The following DLGAP2 variants were observed in gnomAD, a reference collection of about 807,000 sequenced individuals.
DLGAP2 encodes the protein disks large-associated protein 2.
Under a neutral mutation model 100.3 loss-of-function variants are expected in DLGAP2, and 26 were observed. The ratio of observed to expected loss-of-function variants is 0.26; its 90% CI spans 0.19 to 0.36. DLGAP2 has a LOEUF of 0.36. Among genes scored for constraint, DLGAP2 ranks in the 10% least tolerant of loss-of-function variants. The pLI, the probability that DLGAP2 is intolerant of heterozygous loss-of-function variation, is 1.00. For missense variants in DLGAP2, 1,858 were observed against 1,453.2 expected, an observed-to-expected ratio of 1.28 and a Z score of -4.53; for synonymous variants, 886 against 630.1, an observed-to-expected ratio of 1.41 and a Z score of -6.08.
intron 6 of DLGAP2, among the ~76,000 whole-genome samples, chr8:1,572,274 G>C (rs1317164846): frequency 2.3e-5 from 3 of 130,210 alleles, no homozygotes; most frequent in Non-Finnish European, 3.3e-5. Flanking sequence ...GGAATAGAGA[G>C]GAGAGAGGTG....
chr8:1,691,761 G>C (rs1799267078), intron 13 of DLGAP2, 135 bp downstream of exon 13: 1 of 779,414 alleles, frequency 1.3e-6, no homozygotes. Flanking sequence ...TACTACAGAA[G>C]AGGCTTCCCG....
chr8:1,448,617 A>C (rs1798049632), intron 3 of DLGAP2, among the ~76,000 whole-genome samples: 1 of 152,200 alleles, frequency 6.6e-6, no homozygotes, highest in African/African-American at 2.4e-5. Context: ...TTGCTTATGT[A>C]CTCAAACAAA....
At chr8:1,453,920 A>G (rs968968090) in intron 3 of DLGAP2, among the ~76,000 whole-genome samples, 1 of 152,228 alleles carries the variant, frequency 6.6e-6, no homozygotes, top group Non-Finnish European at 1.5e-5. Flanking sequence ...GGGGTTTTGC[A>G]TGTCTTGGAA....
At chr8:1,263,640 C>G (rs1799394879) in intron 3 of DLGAP2, among the ~76,000 whole-genome samples, 1 of 152,112 alleles carries the variant, frequency 6.6e-6, no homozygotes, top group Admixed American at 6.5e-5. Context: ...TGTTTTTAAC[C>G]TTAATTGAAT....
At chr8:870,926 G>C (rs545280899) in intron 1 of DLGAP2, among the ~76,000 whole-genome samples, 4 of 152,250 alleles carry the variant, frequency 2.6e-5, no homozygotes, top group African/African-American at 9.6e-5. Flanking sequence ...ACCATCCTGT[G>C]GTCATTCCCC....
At position 1,507,903 on chromosome 8, in the gene DLGAP2, A is replaced by G. The variant is rs573303415; in HGVS notation, c.172+6472A>G. Among the ~76,000 whole-genome samples, 15 of 144,920 alleles carry G rather than the reference A, an allele frequency of 1.0e-4. No individual in the cohort carries two copies. In the Middle Eastern group the frequency reaches 0.01, roughly 100 times the overall value. On this transcript the variant is annotated intron_variant, in intron 4 of 14. Transcript: ENST00000637795. The stretch of plus-strand genomic sequence containing the variant: ...AGCCTTGACCTTCCTGCACTGCCCA[A>G]TGGGAGCATCGTGACCACACATTTT...
At chr8:774,618 T>C (rs1821460299) in intron 1 of DLGAP2, among the ~76,000 whole-genome samples, 1 of 150,796 alleles carries the variant, frequency 6.6e-6, no homozygotes, top group Admixed American at 6.6e-5. Context: ...CCTTTCCCCA[T>C]TGCTTGTTTT....
intron 2 of DLGAP2, among the ~76,000 whole-genome samples, chr8:1,180,432 A>G (rs149039476): frequency 1.8e-3 from 268 of 152,348 alleles, no homozygotes; most frequent in African/African-American, 5.9e-3. Context: ...CTTGAGCTCA[A>G]GCAGTCCTCT....
chr8:971,202 A>G (rs1800005872), intron 2 of DLGAP2, among the ~76,000 whole-genome samples: 1 of 152,234 alleles, frequency 6.6e-6, no homozygotes, highest in South Asian at 2.1e-4. Context: ...TTCATATCAA[A>G]TACCTGTATG....
At chr8:1,392,328 G>T (rs553956556) in intron 3 of DLGAP2, among the ~76,000 whole-genome samples, 5 of 152,218 alleles carry the variant, frequency 3.3e-5, no homozygotes, top group East Asian at 1.9e-4. Flanking sequence ...CAGGGTCGAG[G>T]TGCAGGGTTA....
At chr8:768,041 G>T (rs914611337) in intron 1 of DLGAP2, among the ~76,000 whole-genome samples, 1 of 152,226 alleles carries the variant, frequency 6.6e-6, no homozygotes, top group Non-Finnish European at 1.5e-5. Context: ...AGGAAGATGT[G>T]CATTCTCTTT....
intron 6 of DLGAP2, among the ~76,000 whole-genome samples, chr8:1,584,484 C>G (rs996861168): frequency 1.3e-5 from 2 of 152,178 alleles, no homozygotes; most frequent in Non-Finnish European, 2.9e-5. Context: ...CCTCCACTAC[C>G]GTGGGCTGCT....
intron 2 of DLGAP2, among the ~76,000 whole-genome samples, chr8:1,188,846 C>T (rs1797572782): frequency 6.6e-6 from 1 of 152,206 alleles, no homozygotes; most frequent in Admixed American, 6.5e-5. Context: ...GAAACAATGA[C>T]TTGTCACTCC....
intron 3 of DLGAP2, among the ~76,000 whole-genome samples, chr8:1,417,510 G>A (rs1011308844): frequency 5.9e-5 from 9 of 152,228 alleles, no homozygotes; most frequent in Non-Finnish European, 1.3e-4. Context: ...CACCAGGGCA[G>A]GCATAGTACA....
At chr8:1,378,352 CCTGT>C (rs1189589056) in intron 3 of DLGAP2, among the ~76,000 whole-genome samples, 13 of 151,252 alleles carry the variant, frequency 8.6e-5, no homozygotes, top group African/African-American at 2.7e-4. Context: ...CCTGACCTCA[CCTGT>C]CTGTCCTGCA....
intron 10 of DLGAP2, among the ~76,000 whole-genome samples, chr8:1,671,788 C>T (rs147832663): frequency 3.0e-3 from 457 of 152,336 alleles, no homozygotes; most frequent in African/African-American, 0.011. Flanking sequence ...CTGGCCCTTA[C>T]AGCAGGACTC....
chr8:1,523,423 C>G (rs1054687258), intron 4 of DLGAP2, among the ~76,000 whole-genome samples: 2 of 152,240 alleles, frequency 1.3e-5, no homozygotes, highest in African/African-American at 2.4e-5. Flanking sequence ...TGACTTCACG[C>G]AGCCCCAGCC....
Position 1,260,061 on chromosome 8 carries a change from G to T in DLGAP2, c.106+1178G>T, listed in dbSNP as rs370851608. On this transcript the variant is annotated intron_variant, in intron 3 of 14. Coordinates refer to ENST00000637795, the MANE Select transcript of DLGAP2 (RefSeq NM_001346810.2). ...AATGTGATGTTTTACAGTCAGGTGG[G>T]TGGGGGCTGTTCCCGGGTGGAGCCT... is the stretch of plus-strand genomic sequence containing the variant. 5.9e-5 allele frequency among the ~76,000 whole-genome samples: 9 copies of T among 152,196 alleles called. No homozygotes were observed. The East Asian group carries it at 7.8e-4, about 13-fold the overall frequency.
chr8:1,169,141 C>T (rs202020683), intron 2 of DLGAP2, among the ~76,000 whole-genome samples: 5 of 151,220 alleles, frequency 3.3e-5, no homozygotes, highest in Non-Finnish European at 7.4e-5. Flanking sequence ...AATAGGGAAT[C>T]CTTTCCCCAT....
Sources: gnomAD v4.1 joint callset for allele counts (sites outside exome capture counted in the v4.1 genomes callset) on GRCh38, gnomAD v4.1.1 for gene constraint, MANE v1.5 for transcripts, NCBI Gene and HGNC (gene_info 2026-07-23, HGNC 2026-07-21) for gene names.